The following ENPP1 variants were observed in gnomAD, a reference collection of about 807,000 sequenced individuals.
ENPP1 encodes the protein ectonucleotide pyrophosphatase/phosphodiesterase family member 1.
In ENPP1, 73 loss-of-function variants were observed where a neutral mutation model predicts 122.8. The observed-to-expected ratio is 0.59, with a 90% confidence interval of 0.49 to 0.72. The LOEUF (loss-of-function observed/expected upper bound fraction) is 0.72. ENPP1 is among the 30% of genes least tolerant of loss of function. ENPP1 has a pLI of 0.00. For missense variants in ENPP1, 978 were observed against 1,128.1 expected (o/e 0.87, Z 1.91); for synonymous variants, 367 against 391.6 (o/e 0.94, Z 0.74).
chr6:131,840,740 A>G (rs1304386588), intron 1 of ENPP1, among the ~76,000 whole-genome samples: 1 of 152,200 alleles, frequency 6.6e-6, no homozygotes, highest in Admixed American at 6.5e-5. Flanking sequence ...TTTTGTGCAC[A>G]GGTGTCTCTC....
chr6:131,865,162 A>G (rs564450902), intron 11 of ENPP1, among the ~76,000 whole-genome samples: 2 of 152,376 alleles, frequency 1.3e-5, no homozygotes, highest in South Asian at 4.1e-4. Context: ...CTGATGATCA[A>G]TTAGCTTCTA....
At chr6:131,873,251 T>G (rs987595440) in intron 15 of ENPP1, among the ~76,000 whole-genome samples, 1 of 152,124 alleles carries the variant, frequency 6.6e-6, no homozygotes, top group Non-Finnish European at 1.5e-5. Flanking sequence ...CTGCACATTG[T>G]GGGATATTTG....
intron 18 of ENPP1, among the ~76,000 whole-genome samples, chr6:131,878,216 G>A (rs150650131): frequency 0.014 from 2,086 of 151,878 alleles, 52 homozygotes; most frequent in African/African-American, 0.048. Context: ...GCAACATAGT[G>A]AGACCCTGTC....
chr6:131,879,706 C>A (rs1288121047), intron 19 of ENPP1, among the ~76,000 whole-genome samples, 174 bp from the exon 20 acceptor site: 1 of 152,064 alleles, frequency 6.6e-6, no homozygotes, highest in East Asian at 1.9e-4. Context: ...TAACAGTGAA[C>A]CTCACTTGTC....
chr6:131,850,997 A>G (rs2114692356), intron 3 of ENPP1, 145 bp from the exon 4 acceptor site: 1 of 835,226 alleles, frequency 1.2e-6, no homozygotes, highest in East Asian at 2.5e-5. Context: ...TGGCCATGGT[A>G]GTGGCAGATT....
chr6:131,848,367 G>C (rs560282550), intron 2 of ENPP1, among the ~76,000 whole-genome samples: 2 of 152,076 alleles, frequency 1.3e-5, no homozygotes, highest in South Asian at 4.2e-4. Context: ...AATTAAACTG[G>C]ATCACAGTAA....
chr6:131,841,527 C>T (rs1247802685), intron 1 of ENPP1, among the ~76,000 whole-genome samples: 2 of 152,182 alleles, frequency 1.3e-5, no homozygotes, highest in Non-Finnish European at 2.9e-5. Flanking sequence ...GACACAATGT[C>T]ACTTAACAAA....
intron 20 of ENPP1, among the ~76,000 whole-genome samples, chr6:131,881,000 G>C (rs1445181882): frequency 6.6e-6 from 1 of 152,104 alleles, no homozygotes; most frequent in East Asian, 1.9e-4. Context: ...AGAGAGAAGG[G>C]GGAAGATGAG....
intron 6 of ENPP1, among the ~76,000 whole-genome samples, chr6:131,855,348 C>T (rs925577053): frequency 1.3e-5 from 2 of 152,124 alleles, no homozygotes; most frequent in African/African-American, 2.4e-5. Flanking sequence ...ATTTTTGAGA[C>T]TGAGTCTCAC....
At chr6:131,822,766 A>C (rs1431081640) in intron 1 of ENPP1, among the ~76,000 whole-genome samples, 1 of 152,162 alleles carries the variant, frequency 6.6e-6, no homozygotes, top group South Asian at 2.1e-4. Context: ...AACTATTTCT[A>C]TGCATACTTT....
chr6:131,863,922 A>G lies in ENPP1; in HGVS notation c.1026-584A>G, dbSNP rs977282187. ...AGAGTGAGACTCTGTCTCAAAAAAA[A>G]CAAAGAAGAGTTTGTGTACTAAGCA... On this transcript the variant is annotated intron_variant, in intron 9 of 24. Transcript: ENST00000647893. 5.1e-4 allele frequency among the ~76,000 whole-genome samples: 77 copies of G among 152,110 alleles called. 1 individual carries two copies. The highest frequency in any genetic ancestry group is 2.9e-5 in the Non-Finnish European group (2 of 67,994).
At chr6:131,861,523 G>C (rs1339447135) in intron 8 of ENPP1, 72 bp from the exon 9 acceptor site, 15 of 939,654 alleles carry the variant, frequency 1.6e-5, no homozygotes, top group Non-Finnish European at 1.9e-5. Context: ...CATTGGTGTG[G>C]TATGAATACA....
chr6:131,855,070 G>T, intron 6 of ENPP1, 47 bp downstream of exon 6: 1 of 1,283,654 alleles, frequency 7.8e-7, no homozygotes, highest in Non-Finnish European at 1.1e-6. Context: ...ATTTCAGTGA[G>T]ATTGACTAGG....
chr6:131,866,505 C>T (rs1782094119), intron 11 of ENPP1, among the ~76,000 whole-genome samples: 1 of 152,208 alleles, frequency 6.6e-6, no homozygotes, highest in South Asian at 2.1e-4. Context: ...AAACCATCTT[C>T]CCTTCATTTC....
chr6:131,870,868 A>G (rs955261427), intron 13 of ENPP1, among the ~76,000 whole-genome samples: 31 of 152,138 alleles, frequency 2.0e-4, no homozygotes, highest in African/African-American at 7.5e-4. Context: ...CATAAGGTTA[A>G]GAGATCAAGA....
chr6:131,811,464 T>A (rs1032404784), intron 1 of ENPP1, among the ~76,000 whole-genome samples: 2 of 146,048 alleles, frequency 1.4e-5, no homozygotes, highest in Non-Finnish European at 3.0e-5. Context: ...TGGCTCAAGT[T>A]TGAGGACTGC....
At chr6:131,855,169 G>T in intron 6 of ENPP1, 146 bp downstream of exon 6, 1 of 698,520 alleles carries the variant, frequency 1.4e-6, no homozygotes. Flanking sequence ...TGTGTAAGGC[G>T]CTTATCTTTA....
At chr6:131,809,513 G>GT (rs1781322344) in intron 1 of ENPP1, among the ~76,000 whole-genome samples, 1 of 152,174 alleles carries the variant, frequency 6.6e-6, no homozygotes, top group African/African-American at 2.4e-5. Context: ...TTTGCATCTT[G>GT]TAACACTGTT....
intron 24 of ENPP1, among the ~76,000 whole-genome samples, chr6:131,886,926 C>CTTTTTT (rs60409660): frequency 6.7e-4 from 74 of 110,268 alleles, no homozygotes; most frequent in Middle Eastern, 4.5e-3. Context: ...TTACTTTTTT[C>CTTTTTT]TTTTTTTTTT....
Sources: gnomAD v4.1 joint callset for allele counts (sites outside exome capture counted in the v4.1 genomes callset) on GRCh38, gnomAD v4.1.1 for gene constraint, MANE v1.5 for transcripts, NCBI Gene and HGNC (gene_info 2026-07-23, HGNC 2026-07-21) for gene names.